The following EPHA3 variants were observed in gnomAD, a reference collection of about 807,000 sequenced individuals.
The protein encoded by EPHA3 is ephrin type-A receptor 3.
EPHA3 carries 42 observed loss-of-function variants against 107.1 expected under a neutral mutation model. That is an observed-to-expected ratio of 0.39 (90% CI 0.31 to 0.51). The LOEUF is 0.51. Ranked by LOEUF, EPHA3 falls within the 20% of genes least tolerant of loss-of-function variation. The pLI is 0.78. For missense variants in EPHA3, 1,183 were observed against 1,211.2 expected (o/e 0.98, Z 0.35); for synonymous variants, 461 against 424.8 (o/e 1.09, Z -1.05).
chr3:89,356,505 G>A (rs1707961297), intron 5 of EPHA3, among the ~76,000 whole-genome samples: 1 of 151,286 alleles, frequency 6.6e-6, no homozygotes, highest in African/African-American at 2.4e-5. Context: ...GTTGTTTCCT[G>A]ACTTTTTAAT....
chr3:89,144,808 G>A (rs1181305092), intron 2 of EPHA3, among the ~76,000 whole-genome samples: 1 of 151,634 alleles, frequency 6.6e-6, no homozygotes, highest in African/African-American at 2.4e-5. Context: ...AATGCCCAAA[G>A]CTGATTATTA....
At chr3:89,307,002 A>G (rs1254445748) in intron 3 of EPHA3, among the ~76,000 whole-genome samples, 2 of 152,204 alleles carry the variant, frequency 1.3e-5, no homozygotes, top group African/African-American at 2.4e-5. Flanking sequence ...AAAATTATCA[A>G]ATTTAAAAGA....
rs141054917 is a variant in EPHA3 at position 89,137,024 on chromosome 3, A to C, written c.153+9751A>C. On this transcript the variant is annotated intron_variant, in intron 2 of 16. Coordinates refer to ENST00000336596, the MANE Select transcript of EPHA3 (RefSeq NM_005233.6). ...CTGGTCAAAAATGCACAGTTATTAA[A>C]ATAAAAGTGACCAAAAATATACATA... Among the ~76,000 whole-genome samples the C allele has an allele frequency of 5.8e-3, 886 of 152,084 alleles. 7 individuals carry two copies. The highest frequency in any genetic ancestry group is 0.02 in the African/African-American group (829 of 41,550).
intron 11 of EPHA3, among the ~76,000 whole-genome samples, chr3:89,420,593 G>C (rs147013933): frequency 1.3e-4 from 19 of 151,514 alleles, no homozygotes; most frequent in African/African-American, 4.6e-4. Context: ...TAAATTTTAA[G>C]TTAATAATTA....
intron 3 of EPHA3, among the ~76,000 whole-genome samples, chr3:89,324,219 G>C (rs1707112107): frequency 6.8e-6 from 1 of 146,252 alleles, no homozygotes; most frequent in Non-Finnish European, 1.5e-5. Context: ...CCAGGCTGGA[G>C]TACAGTGATG....
intron 3 of EPHA3, among the ~76,000 whole-genome samples, chr3:89,238,675 A>G (rs1173783381): frequency 2.0e-5 from 3 of 152,242 alleles, no homozygotes; most frequent in Non-Finnish European, 4.4e-5. Context: ...ACTGTTGCCC[A>G]GGAAAATATG....
rs1378283051 is a variant in EPHA3 at position 89,346,676 on chromosome 3, A to G, written c.1306+4586A>G. Among the ~76,000 whole-genome samples, 13 of 150,862 alleles carry G rather than the reference A, an allele frequency of 8.6e-5. 1 individual carries two copies. Among genetic ancestry groups the G allele is most frequent in the Non-Finnish European group, 1.9e-4 (13 of 67,454 alleles). ...TGTTGCCATTGCTTTTGGTGTTTAG[A>G]CATGAAGTCCTTGCCCATGCCTATG... On this transcript the variant is annotated intron_variant, in intron 5 of 16. Coordinates refer to ENST00000336596, the MANE Select transcript of EPHA3 (RefSeq NM_005233.6).
chr3:89,236,607 G>A (rs1278088632), intron 3 of EPHA3, among the ~76,000 whole-genome samples: 2 of 147,588 alleles, frequency 1.4e-5, no homozygotes, highest in Non-Finnish European at 3.0e-5. Flanking sequence ...GGGAGGGATA[G>A]CATTGGGAGA....
rs546919595 is a variant in EPHA3 at position 89,184,569 on chromosome 3, A to G, written c.154-25291A>G. ...AATAAGCAAACACTGGAACAACCAA[A>G]CTCTTATGTTTTTCAGGAGCAAAAT... is the stretch of plus-strand genomic sequence containing the variant. On this transcript the variant is annotated intron_variant, in intron 2 of 16. Coordinates refer to ENST00000336596, the MANE Select transcript of EPHA3 (RefSeq NM_005233.6). Among the ~76,000 whole-genome samples, 333 of 152,160 alleles carry G rather than the reference A, an allele frequency of 2.2e-3. 4 individuals carry two copies. Among genetic ancestry groups the G allele is most frequent in the Non-Finnish European group, 2.9e-3 (199 of 67,936 alleles).
chr3:89,182,339 C>A (rs776018236), intron 2 of EPHA3, among the ~76,000 whole-genome samples: 1 of 151,808 alleles, frequency 6.6e-6, no homozygotes. Context: ...CTGTACAGTA[C>A]AGAAAATATG....
intron 10 of EPHA3, among the ~76,000 whole-genome samples, chr3:89,414,851 C>T (rs1183869628): frequency 6.6e-6 from 1 of 151,524 alleles, no homozygotes; most frequent in African/African-American, 2.4e-5. Context: ...TCTATTTATA[C>T]TGAATCACTT....
chr3:89,460,823 C>CTT lies in EPHA3; in HGVS notation c.2690+10467_2690+10468dup, dbSNP rs753656853. On this transcript the variant is annotated intron_variant, in intron 15 of 16. Transcript: ENST00000336596. ...ATACCCAAGTGATCTCTCTGTCTCT[C>CTT]TTTTTTTTTTTTTTTATTATACTCT... 3.5e-4 allele frequency among the ~76,000 whole-genome samples: 36 copies of CTT among 103,006 alleles called. 4 individuals carry two copies. The highest frequency in any genetic ancestry group is 5.0e-4 in the Non-Finnish European group (24 of 48,370). The allele number at this position is 103,006 out of a possible 152,430, so 67.6% of individuals were successfully genotyped here.
intron 3 of EPHA3, among the ~76,000 whole-genome samples, chr3:89,335,356 G>A (rs1295932111): frequency 6.6e-6 from 1 of 152,020 alleles, no homozygotes; most frequent in Non-Finnish European, 1.5e-5. Context: ...TCATTCATGA[G>A]GACTCTGCCT....
intron 3 of EPHA3, among the ~76,000 whole-genome samples, chr3:89,300,602 T>C (rs1402127283): frequency 1.3e-5 from 2 of 152,068 alleles, no homozygotes; most frequent in East Asian, 3.9e-4. Context: ...TAAACAATTA[T>C]CTTTATTGTC....
chr3:89,178,655 T>C (rs973398785), intron 2 of EPHA3, among the ~76,000 whole-genome samples: 57 of 151,982 alleles, frequency 3.8e-4, no homozygotes, highest in African/African-American at 1.3e-3. Flanking sequence ...TTTTCTGTTT[T>C]ATTATTAATT....
intron 3 of EPHA3, among the ~76,000 whole-genome samples, chr3:89,338,748 C>T (rs1252034719): frequency 1.3e-5 from 2 of 152,112 alleles, no homozygotes; most frequent in African/African-American, 2.4e-5. Flanking sequence ...GGGGTTTCAC[C>T]GTGTTAGCCA....
chr3:89,262,204 T>C (rs2107282455), intron 3 of EPHA3, among the ~76,000 whole-genome samples: 1 of 152,230 alleles, frequency 6.6e-6, no homozygotes, highest in Non-Finnish European at 1.5e-5. Context: ...AATAAAAATA[T>C]ATCAGAATAT....
intron 3 of EPHA3, among the ~76,000 whole-genome samples, chr3:89,303,492 A>G (rs1467512994): frequency 6.6e-6 from 1 of 151,240 alleles, no homozygotes; most frequent in Non-Finnish European, 1.5e-5. Flanking sequence ...AGGAGGATAT[A>G]AAATGAGGGA....
At chr3:89,274,667 C>T (rs925091097) in intron 3 of EPHA3, among the ~76,000 whole-genome samples, 1 of 151,928 alleles carries the variant, frequency 6.6e-6, no homozygotes, top group Non-Finnish European at 1.5e-5. Context: ...TTGATAGAGC[C>T]ATCAGTTTAA....
Sources: gnomAD v4.1 joint callset for allele counts (sites outside exome capture counted in the v4.1 genomes callset) on GRCh38, gnomAD v4.1.1 for gene constraint, MANE v1.5 for transcripts, NCBI Gene and HGNC (gene_info 2026-07-23, HGNC 2026-07-21) for gene names.